The following TANC2 variants were observed in gnomAD, a reference collection of about 807,000 sequenced individuals.
TANC2 encodes the protein tetratricopeptide repeat, ankyrin repeat and coiled-coil containing 2.
TANC2 carries 26 observed loss-of-function variants against 210.5 expected under a neutral mutation model. The observed-to-expected ratio is 0.12, with a 90% CI of 0.09 to 0.17. The LOEUF is 0.17. Among genes scored for constraint, TANC2 ranks in the 10% least tolerant of loss-of-function variants. TANC2 has a pLI of 1.00. For missense variants in TANC2, 2,129 were observed against 2,608.9 expected (o/e 0.82, Z 4.01); for synonymous variants, 931 against 967.1 (o/e 0.96, Z 0.69).
chr17:63,170,031 A>G (rs978386783), intron 5 of TANC2, among the ~76,000 whole-genome samples: 1 of 151,482 alleles, frequency 6.6e-6, no homozygotes, highest in Admixed American at 6.6e-5. Flanking sequence ...AGGCAGGAGA[A>G]TGGCGTGAAC....
intron 5 of TANC2, among the ~76,000 whole-genome samples, chr17:63,189,939 A>T (rs1055574713): frequency 1.3e-5 from 2 of 152,208 alleles, no homozygotes; most frequent in Non-Finnish European, 2.9e-5. Context: ...TATATGAGGT[A>T]GGGCTTCATC....
chr17:63,164,912 C>T (rs549683813), intron 5 of TANC2, among the ~76,000 whole-genome samples: 2 of 152,290 alleles, frequency 1.3e-5, no homozygotes, highest in Admixed American at 1.3e-4. Flanking sequence ...CCTAGAAACA[C>T]CCTCACTCAC....
chr17:63,264,069 G>T (rs1266959290), intron 8 of TANC2, among the ~76,000 whole-genome samples: 3 of 152,206 alleles, frequency 2.0e-5, no homozygotes, highest in Non-Finnish European at 4.4e-5. Flanking sequence ...ACTGGCTCCA[G>T]ATCTACCTTA....
chr17:63,015,754 C>T (rs989565167), intron 2 of TANC2, among the ~76,000 whole-genome samples: 4 of 150,038 alleles, frequency 2.7e-5, no homozygotes, highest in African/African-American at 4.9e-5. Flanking sequence ...AAAAAAAAAC[C>T]GCTGTGTGGT....
intron 7 of TANC2, among the ~76,000 whole-genome samples, chr17:63,206,662 A>G (rs1182236579): frequency 6.6e-6 from 1 of 152,170 alleles, no homozygotes; most frequent in African/African-American, 2.4e-5. Flanking sequence ...TAAATCATAG[A>G]GACAAAAAGT....
intron 7 of TANC2, among the ~76,000 whole-genome samples, chr17:63,232,774 CCCTTGGG>C (rs2042512515): frequency 6.6e-6 from 1 of 152,246 alleles, no homozygotes; most frequent in South Asian, 2.1e-4. Flanking sequence ...CTCTGGCTGC[CCCTTGGG>C]CAGAGGGGGT....
At chr17:63,378,337 C>A (rs952063398) in intron 14 of TANC2, among the ~76,000 whole-genome samples, 3 of 151,848 alleles carry the variant, frequency 2.0e-5, no homozygotes, top group Non-Finnish European at 4.4e-5. Flanking sequence ...ACATGTCACA[C>A]ATACATACAC....
At chr17:63,007,220 C>A (rs1246072236) in intron 1 of TANC2, among the ~76,000 whole-genome samples, 1 of 152,128 alleles carries the variant, frequency 6.6e-6, no homozygotes, top group Admixed American at 6.5e-5. Context: ...CAACATGAGA[C>A]CCTGTCTCAA....
chr17:63,419,727 G>T (rs2048965999), intron 27 of TANC2, among the ~76,000 whole-genome samples: 2 of 152,212 alleles, frequency 1.3e-5, no homozygotes, highest in South Asian at 4.1e-4. Context: ...ACTTCCCGAA[G>T]GGCCTGGCTG....
At chr17:63,313,393 T>G (rs2045196885) in intron 9 of TANC2, 1 of 152,196 alleles carries the variant, frequency 6.6e-6, no homozygotes, top group African/African-American at 2.4e-5. Context: ...ATATGGACCA[T>G]CAGGCAGGAC....
rs771694104 is a variant in TANC2, at chr17:63,389,456, C to T, written c.2963C>T (p.Ser988Phe). 3 of 1,613,976 alleles carry T rather than the reference C, an allele frequency of 1.9e-6. No homozygotes were observed. In the Admixed American group the frequency reaches 5.0e-5, roughly 27 times the overall value. ...GAGTTCGGGGCCAACGTGGATGCCT[C>T]TTCTGAAAGTGGCCTGACTCCCCTG... Residue 988 changes from serine to phenylalanine, a missense_variant, in exon 17 of 28, where the codon TCT becomes TTT. By Grantham distance (155) the Ser-to-Phe change is radical. This residue lies in a region of TANC2 where 644 missense variants were observed against 937.5 expected (regional missense o/e 0.69). Coordinates refer to ENST00000689528, the Ensembl canonical transcript of TANC2.
intron 9 of TANC2, among the ~76,000 whole-genome samples, chr17:63,286,859 C>CGT (rs2044236527): frequency 6.6e-6 from 1 of 152,038 alleles, no homozygotes; most frequent in African/African-American, 2.4e-5. Flanking sequence ...TCCTCTGTAA[C>CGT]GTCAAATGTG....
At position 63,242,854 on chromosome 17, in the gene TANC2, T is replaced by A. The variant is rs1275664348; in HGVS notation, c.1033+4777T>A. Among the ~76,000 whole-genome samples the A allele has an allele frequency of 8.5e-5, 13 of 152,102 alleles. No individual in the cohort carries two copies. In the East Asian group the frequency reaches 2.5e-3, roughly 29 times the overall value. ...CAACATACATGAATCTCAAAATAAT[T>A]ATTCTATTTGAAAGAAGCCAGATTA... On this transcript the variant is annotated intron_variant, in intron 8 of 27. Transcript: ENST00000689528.
At chr17:62,977,857 T>C (rs2032098312) in intron 1 of TANC2, among the ~76,000 whole-genome samples, 1 of 152,184 alleles carries the variant, frequency 6.6e-6, no homozygotes, top group Non-Finnish European at 1.5e-5. Flanking sequence ...ATAAGGAGTA[T>C]TTTTTCAGTG....
rs549343181 is a variant in TANC2 at position 63,357,640 on chromosome 17, A to G, written c.2582+2250A>G. ...CCCTCCCCAGCAATGGCTGGCACCAACCTTGTTACTAAAGTACTGAAGTAT... is the reference window on the plus strand; with the variant it reads ...CCCTCCCCAGCAATGGCTGGCACCAGCCTTGTTACTAAAGTACTGAAGTAT... On this transcript the variant is annotated intron_variant, in intron 14 of 27. Transcript: ENST00000689528. Among the ~76,000 whole-genome samples the G allele has an allele frequency of 4.6e-5, 7 of 152,340 alleles. No individual in the cohort carries two copies. The South Asian group carries it at 1.0e-3, about 23-fold the overall frequency.
At chr17:63,052,837 C>A (rs1229108276) in intron 2 of TANC2, among the ~76,000 whole-genome samples, 2 of 152,190 alleles carry the variant, frequency 1.3e-5, no homozygotes, top group South Asian at 2.1e-4. Context: ...GCTGTTATGA[C>A]TGTGTACTAA....
chr17:63,244,176 G>A (rs1463485204), intron 8 of TANC2, among the ~76,000 whole-genome samples: 3 of 152,132 alleles, frequency 2.0e-5, no homozygotes, highest in Non-Finnish European at 2.9e-5. Flanking sequence ...GTAAGCAGGC[G>A]GGTCATTTTT....
chr17:63,038,071 C>T (rs1176272272), intron 2 of TANC2, among the ~76,000 whole-genome samples: 5 of 152,086 alleles, frequency 3.3e-5, no homozygotes, highest in Non-Finnish European at 2.9e-5. Flanking sequence ...GGCTAAGAGT[C>T]GGGGGAGTGG....
chr17:63,227,873 A>T (rs558423073), intron 7 of TANC2, among the ~76,000 whole-genome samples: 46 of 151,594 alleles, frequency 3.0e-4, no homozygotes, highest in African/African-American at 1.1e-3. Flanking sequence ...TCATTTATTT[A>T]TTTTTTTTGA....
Sources: allele counts gnomAD v4.1 joint callset (sites outside exome capture counted in the v4.1 genomes callset), GRCh38; gene constraint gnomAD v4.1.1; regional missense constraint gnomAD v4.1.1; transcripts MANE v1.5; gene names NCBI Gene and HGNC (gene_info 2026-07-23, HGNC 2026-07-21).